The following CFDP1 variants were observed in gnomAD, a reference collection of about 807,000 sequenced individuals.
CFDP1 encodes the protein heterochromatin-stabilizing protein CFDP1.
In CFDP1, 31 loss-of-function variants were observed where a neutral mutation model predicts 40.1. The observed-to-expected ratio is 0.77, with a 90% CI of 0.58 to 1.04. The LOEUF (loss-of-function observed/expected upper bound fraction) is 1.04. Ranked by LOEUF, CFDP1 falls within the 50% of genes least tolerant of loss-of-function variation. The pLI is 0.00. For synonymous variants in CFDP1, 167 were observed against 120.0 expected, an observed-to-expected ratio of 1.39 and a Z score of -2.56; for missense variants, 423 against 343.4, an observed-to-expected ratio of 1.23 and a Z score of -1.83.
intron 6 of CFDP1, among the ~76,000 whole-genome samples, chr16:75,297,172 G>C (rs2078189217): frequency 6.7e-6 from 1 of 149,432 alleles, no homozygotes; most frequent in Non-Finnish European, 1.5e-5. Context: ...GTGTCTGTGT[G>C]TGTGTGTGTG....
rs1476804193 is a variant in CFDP1 at position 75,396,523 on chromosome 16, A to T, written c.531-1314T>A. 1.9e-5 allele frequency among the ~76,000 whole-genome samples: 2 copies of T among 103,904 alleles called. 1 individual carries two copies. Among genetic ancestry groups the T allele is most frequent in the Non-Finnish European group, 4.6e-5 (2 of 43,440 alleles). 68.2% of individuals were successfully genotyped at this position (103,904 alleles called of 152,430 possible). A position where few individuals can be genotyped will look rare whatever the true frequency, so the allele number is the denominator to read the frequency against. On this transcript the variant is annotated intron_variant, in intron 4 of 6. Transcript: ENST00000283882. Reference sequence around the variant, plus strand: ...CACTGCACTTCAGCCTGGGCAACAGAGCGAGACTCTGTCTCAAAAATAAAT... The same window carrying T: ...CACTGCACTTCAGCCTGGGCAACAGTGCGAGACTCTGTCTCAAAAATAAAT...
chr16:75,379,046 AT>A (rs1196189044), intron 5 of CFDP1, among the ~76,000 whole-genome samples: 3 of 151,832 alleles, frequency 2.0e-5, no homozygotes, highest in African/African-American at 7.3e-5. Context: ...AATGAACGGA[AT>A]AAAATCATAC....
chr16:75,334,199 CACCCTAACCCTAACCCTAACCCTA>C (rs371461725), intron 5 of CFDP1, among the ~76,000 whole-genome samples: 2 of 149,554 alleles, frequency 1.3e-5, no homozygotes, highest in African/African-American at 2.5e-5. Context: ...CTCCTCGCAG[CACCCTAACCCTAACCCTAACCCTA>C]ACCCTAACCC....
intron 5 of CFDP1, among the ~76,000 whole-genome samples, chr16:75,384,508 G>T (rs1271800280): frequency 6.6e-6 from 1 of 152,054 alleles, no homozygotes; most frequent in Non-Finnish European, 1.5e-5. Flanking sequence ...ACATAATACT[G>T]GCATGACTTC....
chr16:75,298,740 G>A (rs1361342060), intron 6 of CFDP1, among the ~76,000 whole-genome samples: 3 of 152,164 alleles, frequency 2.0e-5, no homozygotes, highest in Non-Finnish European at 4.4e-5. Context: ...ACATCTCAAG[G>A]GTTAGACTGG....
At chr16:75,330,772 T>C (rs1567647738) in intron 5 of CFDP1, among the ~76,000 whole-genome samples, 1 of 152,190 alleles carries the variant, frequency 6.6e-6, no homozygotes, top group Non-Finnish European at 1.5e-5. Flanking sequence ...TAATTCTGTA[T>C]GCTAAGTAGA....
chr16:75,315,191 G>C (rs780340187), intron 5 of CFDP1, among the ~76,000 whole-genome samples: 6 of 151,990 alleles, frequency 3.9e-5, no homozygotes. Flanking sequence ...AAATTTGCCG[G>C]GTGTGACGGT....
chr16:75,334,750 T>C (rs1170501200), intron 5 of CFDP1, among the ~76,000 whole-genome samples: 1 of 151,326 alleles, frequency 6.6e-6, no homozygotes, highest in Non-Finnish European at 1.5e-5. Flanking sequence ...AGGTGAGGAG[T>C]TCAGGACCAA....
At chr16:75,409,341 T>A (rs1235796308) in intron 4 of CFDP1, 1 of 152,124 alleles carries the variant, frequency 6.6e-6, no homozygotes, top group African/African-American at 2.4e-5. Context: ...CACCTGTCGA[T>A]AGAGGTTAAA....
At chr16:75,298,124 G>C (rs979213138) in intron 6 of CFDP1, among the ~76,000 whole-genome samples, 5 of 152,172 alleles carry the variant, frequency 3.3e-5, no homozygotes, top group African/African-American at 1.2e-4. Context: ...TTGTGTATAA[G>C]GTACATATAA....
rs969119848 is a variant in CFDP1, at chr16:75,304,019, C to T, written c.809+1005G>A. ...AACTTCCTTAGTGCCTTCTGAGGTC[C>T]GTAAGTACTTATGAACACCTTTTCT... On this transcript the variant is annotated intron_variant, in intron 6 of 6. Transcript: ENST00000283882. 3.9e-5 allele frequency among the ~76,000 whole-genome samples: 6 copies of T among 152,094 alleles called. No homozygotes were observed. The South Asian group carries it at 1.0e-3, about 26-fold the overall frequency.
intron 5 of CFDP1, among the ~76,000 whole-genome samples, chr16:75,385,057 G>A (rs2078884122): frequency 6.6e-6 from 1 of 151,002 alleles, no homozygotes; most frequent in Non-Finnish European, 1.5e-5. Context: ...GATAGGTATT[G>A]CAGGTACAGA....
intron 5 of CFDP1, among the ~76,000 whole-genome samples, chr16:75,373,483 A>G (rs951216031): frequency 3.3e-5 from 5 of 152,242 alleles, no homozygotes; most frequent in East Asian, 3.9e-4. Flanking sequence ...TGTCGCTAAG[A>G]TAAGATACAC....
chr16:75,355,702 T>G (rs2078640469), intron 5 of CFDP1, among the ~76,000 whole-genome samples: 1 of 152,150 alleles, frequency 6.6e-6, no homozygotes, highest in African/African-American at 2.4e-5. Flanking sequence ...GCTGTTCTCA[T>G]GATAATGAGT....
rs2078247851 is a variant in CFDP1, at chr16:75,305,015, CCTT to C, written c.809+6_809+8del. 1.2e-6 allele frequency: 2 copies of C among 1,613,222 alleles called. No homozygotes were observed. The highest frequency in any genetic ancestry group is 1.7e-6 in the Non-Finnish European group (2 of 1,179,576). On this transcript the variant is annotated splice_donor_region_variant and intron_variant, in intron 6 of 6. Coordinates refer to ENST00000283882, the MANE Select transcript of CFDP1 (RefSeq NM_006324.3). The stretch of plus-strand genomic sequence containing the variant: ...GATTTTCCAAGGCATAAAACCTACT[CCTT>C]CTTACCCCTCTTTCCCTCGATTATG...
chr16:75,420,646 T>C (rs2079267561), intron 1 of CFDP1, among the ~76,000 whole-genome samples: 1 of 152,202 alleles, frequency 6.6e-6, no homozygotes, highest in Non-Finnish European at 1.5e-5. Context: ...TTGAGTATGA[T>C]CTATATATAA....
intron 5 of CFDP1, among the ~76,000 whole-genome samples, chr16:75,359,095 C>T (rs2078665067): frequency 6.6e-6 from 1 of 152,104 alleles, no homozygotes; most frequent in African/African-American, 2.4e-5. Context: ...TATAATTCAG[C>T]CAAAACAACT....
chr16:75,389,973 A>C (rs1011577538), intron 5 of CFDP1, among the ~76,000 whole-genome samples: 2 of 152,222 alleles, frequency 1.3e-5, no homozygotes, highest in African/African-American at 4.8e-5. Context: ...CAAGGTTCAC[A>C]GTATCATAAT....
intron 5 of CFDP1, among the ~76,000 whole-genome samples, chr16:75,346,874 C>T (rs959021874): frequency 2.6e-4 from 40 of 151,956 alleles, no homozygotes; most frequent in African/African-American, 9.0e-4. Context: ...CTTGCCCACC[C>T]CACTCCTGAA....
Sources: allele counts gnomAD v4.1 joint callset (sites outside exome capture counted in the v4.1 genomes callset), GRCh38; gene constraint gnomAD v4.1.1; transcripts MANE v1.5; gene names NCBI Gene and HGNC (gene_info 2026-07-23, HGNC 2026-07-21).